FIG4: variants seen among roughly 807,000 people sequenced by gnomAD.
The protein encoded by FIG4 is FIG4 phosphoinositide 5-phosphatase, also known as polyphosphoinositide phosphatase.
In FIG4, 112 loss-of-function variants were observed where a neutral mutation model predicts 118.6. The ratio of observed to expected loss-of-function variants is 0.94; its 90% CI spans 0.81 to 1.11. The LOEUF (loss-of-function observed/expected upper bound fraction) is 1.11, where lower values mean the gene tolerates loss of function less well. FIG4 is among the 50% of genes least tolerant of loss of function. FIG4 has a pLI of 0.00. For synonymous variants in FIG4, 369 were observed against 381.2 expected, an observed-to-expected ratio of 0.97 and a Z score of 0.37; for missense variants, 969 against 1,111.7, an observed-to-expected ratio of 0.87 and a Z score of 1.83.
At chr6:109,766,547 G>A (rs562123202) in intron 14 of FIG4, among the ~76,000 whole-genome samples, 182 bp from the exon 15 acceptor site, 4 of 152,248 alleles carry the variant, frequency 2.6e-5, no homozygotes, top group South Asian at 2.1e-4. Flanking sequence ...TGGCTTTGGT[G>A]TTTACTGGAA....
rs1778155771 is a variant in FIG4, at chr6:109,792,226, C to T, written c.2377-356C>T. Among the ~76,000 whole-genome samples the T allele has an allele frequency of 3.9e-5, 6 of 152,198 alleles. No homozygotes were observed. The South Asian group carries it at 1.2e-3, about 31-fold the overall frequency. The stretch of plus-strand genomic sequence containing the variant: ...TGTGTTTACTCATTGTATGTGACTA[C>T]GTTTGCACTATAACAGCAGAGCTGA... On this transcript the variant is annotated intron_variant, in intron 20 of 22. Coordinates refer to ENST00000230124, the MANE Select transcript of FIG4 (RefSeq NM_014845.6).
intron 10 of FIG4, among the ~76,000 whole-genome samples, chr6:109,758,538 A>G (rs1326362478): frequency 6.6e-6 from 1 of 152,244 alleles, no homozygotes; most frequent in Non-Finnish European, 1.5e-5. Context: ...TATTCAGGAC[A>G]TAGGCATAGG....
At chr6:109,707,265 A>ATG (rs199919875) in intron 1 of FIG4, among the ~76,000 whole-genome samples, 266 of 146,654 alleles carry the variant, frequency 1.8e-3, no homozygotes, top group South Asian at 5.4e-3. Flanking sequence ...TTATAAACTG[A>ATG]TGTGTGTGTG....
At chr6:109,813,148 T>A (rs1352138143) in intron 22 of FIG4, among the ~76,000 whole-genome samples, 1 of 152,188 alleles carries the variant, frequency 6.6e-6, no homozygotes, top group Non-Finnish European at 1.5e-5. Flanking sequence ...TTATATACAT[T>A]TTAAATTGGG....
At chr6:109,722,217 C>A (rs1775632867) in intron 3 of FIG4, among the ~76,000 whole-genome samples, 1 of 150,752 alleles carries the variant, frequency 6.6e-6, no homozygotes, top group Non-Finnish European at 1.5e-5. Flanking sequence ...TTAGTGAGGT[C>A]ATTTTTGGCG....
At chr6:109,806,772 C>G (rs1778576778) in intron 22 of FIG4, among the ~76,000 whole-genome samples, 1 of 152,020 alleles carries the variant, frequency 6.6e-6, no homozygotes, top group Admixed American at 6.6e-5. Flanking sequence ...TATCCCTCCC[C>G]TAGTTCCCCA....
At position 109,746,419 on chromosome 6, in the gene FIG4, A is replaced by T. The variant is rs116052107; in HGVS notation, c.1137+2647A>T. On this transcript the variant is annotated intron_variant, in intron 10 of 22. Transcript: ENST00000230124. ...GTCTTCCCTGAGGACGGGATGAGTT[A>T]GCATCAGCCTGAAGGAAGAGGCATT... is the stretch of plus-strand genomic sequence containing the variant. Among the ~76,000 whole-genome samples the T allele has an allele frequency of 7.5e-3, 1,147 of 152,240 alleles. 17 individuals are homozygous for T. The highest frequency in any genetic ancestry group is 0.026 in the African/African-American group (1,098 of 41,562).
At chr6:109,758,396 G>C (rs1776989658) in intron 10 of FIG4, among the ~76,000 whole-genome samples, 1 of 150,284 alleles carries the variant, frequency 6.7e-6, no homozygotes, top group Non-Finnish European at 1.5e-5. Context: ...GGGAAAACTG[G>C]CTAGCCATAT....
chr6:109,694,282 C>G (rs185727585), intron 1 of FIG4, among the ~76,000 whole-genome samples: 1 of 152,164 alleles, frequency 6.6e-6, no homozygotes, highest in Non-Finnish European at 1.5e-5. Context: ...CTTAGCGTTC[C>G]AATAACGGAA....
At chr6:109,803,136 C>A (rs1778468898) in intron 22 of FIG4, among the ~76,000 whole-genome samples, 1 of 152,156 alleles carries the variant, frequency 6.6e-6, no homozygotes, top group African/African-American at 2.4e-5. Context: ...AGAGTATTGC[C>A]TTTATCCTAA....
chr6:109,781,601 T>C (rs1239881694), intron 16 of FIG4, among the ~76,000 whole-genome samples: 3 of 151,664 alleles, frequency 2.0e-5, no homozygotes, highest in East Asian at 3.9e-4. Flanking sequence ...CATCACAGTG[T>C]GCATTCTCCA....
chr6:109,700,146 G>T (rs1353779764), intron 1 of FIG4, among the ~76,000 whole-genome samples: 1 of 152,176 alleles, frequency 6.6e-6, no homozygotes, highest in Non-Finnish European at 1.5e-5. Context: ...ACACAGACAT[G>T]TATACCATAG....
At chr6:109,764,893 C>CGTG in intron 13 of FIG4, 120 bp from the exon 14 acceptor site, 1 of 680,922 alleles carries the variant, frequency 1.5e-6, no homozygotes, top group Non-Finnish European at 2.5e-6. Context: ...TGCCCACAGA[C>CGTG]TTTTTTTGTT....
At chr6:109,708,545 C>T (rs1393979077) in intron 1 of FIG4, among the ~76,000 whole-genome samples, 1 of 152,246 alleles carries the variant, frequency 6.6e-6, no homozygotes, top group Non-Finnish European at 1.5e-5. Flanking sequence ...AATTGCCACA[C>T]TGTCTTCTAC....
At chr6:109,754,683 C>T (rs939073136) in intron 10 of FIG4, among the ~76,000 whole-genome samples, 1 of 152,058 alleles carries the variant, frequency 6.6e-6, no homozygotes, top group African/African-American at 2.4e-5. Flanking sequence ...GTGTATGTGT[C>T]GAGGAATTTA....
At chr6:109,738,534 T>C in intron 7 of FIG4, 81 bp downstream of exon 7, 3 of 1,325,116 alleles carry the variant, frequency 2.3e-6, no homozygotes, top group Non-Finnish European at 3.3e-6. Context: ...ATATGAATTA[T>C]ATGATTATAA....
At chr6:109,814,137 C>T (rs907727867) in intron 22 of FIG4, among the ~76,000 whole-genome samples, 5 of 152,028 alleles carry the variant, frequency 3.3e-5, no homozygotes, top group African/African-American at 1.2e-4. Context: ...CAGTCTGTGC[C>T]ATTACTGATG....
At chr6:109,783,270 TGAAA>T (rs1181354327) in intron 16 of FIG4, among the ~76,000 whole-genome samples, 1 of 152,206 alleles carries the variant, frequency 6.6e-6, no homozygotes, top group African/African-American at 2.4e-5. Context: ...CTGAACTTAA[TGAAA>T]GTTGAAAAAA....
intron 10 of FIG4, among the ~76,000 whole-genome samples, chr6:109,748,361 T>C (rs1375223216): frequency 6.6e-6 from 1 of 152,080 alleles, no homozygotes. Flanking sequence ...ATCGAAGTGG[T>C]CCATGAAATC....
Sources: allele counts gnomAD v4.1 joint callset (sites outside exome capture counted in the v4.1 genomes callset), GRCh38; gene constraint gnomAD v4.1.1; transcripts MANE v1.5; gene names NCBI Gene and HGNC (gene_info 2026-07-23, HGNC 2026-07-21).